Variants in TRDN observed in about 807,000 individuals in gnomAD.
The protein encoded by TRDN is triadin in skeletal muscle.
Under a neutral mutation model 149.7 loss-of-function variants are expected in TRDN, and 161 were observed. The observed-to-expected ratio is 1.08, with a 90% CI of 0.95 to 1.23. The LOEUF (loss-of-function observed/expected upper bound fraction) is 1.23. Ranked by LOEUF, TRDN falls within the 50% of genes most tolerant of loss-of-function variation. TRDN has a pLI of 0.00. For synonymous variants in TRDN, 294 were observed against 250.5 expected (o/e 1.17, Z -1.64); for missense variants, 896 against 823.5 (o/e 1.09, Z -1.08).
intron 10 of TRDN, among the ~76,000 whole-genome samples, chr6:123,456,017 A>C (rs960696873): frequency 3.3e-5 from 5 of 152,202 alleles, no homozygotes; most frequent in African/African-American, 1.2e-4. Context: ...GCAACTCAAA[A>C]CCAAAACATA....
At chr6:123,441,917 G>C (rs943469479) in intron 10 of TRDN, 3 of 152,120 alleles carry the variant, frequency 2.0e-5, no homozygotes, top group Admixed American at 2.0e-4. Context: ...ATGTATTCCT[G>C]GTTCCAGTTA....
chr6:123,548,365 G>T (rs981091785), intron 3 of TRDN, 89 bp downstream of exon 3: 4 of 1,099,606 alleles, frequency 3.6e-6, no homozygotes, highest in Non-Finnish European at 4.7e-6. Context: ...TGACCCAAGT[G>T]CTCATTTGAA....
intron 14 of TRDN, among the ~76,000 whole-genome samples, chr6:123,386,185 A>C: frequency 6.6e-6 from 1 of 152,240 alleles, no homozygotes; most frequent in East Asian, 1.9e-4. Flanking sequence ...AACACAAGTA[A>C]CATGAAGTAC....
At chr6:123,583,516 T>C (rs28802642) in intron 1 of TRDN, among the ~76,000 whole-genome samples, 14,259 of 144,810 alleles carry the variant, frequency 0.098, 796 homozygotes, top group African/African-American at 0.14. Context: ...ACCTTTAGTC[T>C]GTTCTACTTT....
intron 2 of TRDN, among the ~76,000 whole-genome samples, chr6:123,555,901 T>A (rs1057377427): frequency 1.2e-4 from 18 of 152,312 alleles, no homozygotes; most frequent in African/African-American, 3.1e-4. Context: ...TTGCATTTGA[T>A]AATTTTGTTT....
At chr6:123,374,753 G>A (rs1781444133) in intron 19 of TRDN, among the ~76,000 whole-genome samples, 1 of 151,126 alleles carries the variant, frequency 6.6e-6, no homozygotes, top group South Asian at 2.1e-4. Flanking sequence ...CCAGCCTGGT[G>A]ACAGAGAAAG....
At chr6:123,470,891 T>C (rs1456221917) in intron 9 of TRDN, 1 of 152,184 alleles carries the variant, frequency 6.6e-6, no homozygotes, top group Non-Finnish European at 1.5e-5. Flanking sequence ...AAATACTTAC[T>C]GAGTGCCTAC....
intron 1 of TRDN, among the ~76,000 whole-genome samples, chr6:123,586,046 A>G (rs1243604729): frequency 1.3e-5 from 2 of 152,098 alleles, no homozygotes; most frequent in Non-Finnish European, 2.9e-5. Context: ...TAGGGCTGTA[A>G]AGTGTCTCAG....
chr6:123,523,747 GA>G (rs1779801792), intron 5 of TRDN, among the ~76,000 whole-genome samples: 1 of 152,122 alleles, frequency 6.6e-6, no homozygotes, highest in South Asian at 2.1e-4. Flanking sequence ...CTTTGGTGTT[GA>G]AAGAGAACAA....
chr6:123,540,738 T>A (rs1780791935), intron 4 of TRDN, among the ~76,000 whole-genome samples: 1 of 152,102 alleles, frequency 6.6e-6, no homozygotes, highest in Non-Finnish European at 1.5e-5. Context: ...CAGGATGGCC[T>A]CCATTTCCTG....
At chr6:123,421,378 A>C (rs377350056) in intron 12 of TRDN, among the ~76,000 whole-genome samples, 2 of 152,282 alleles carry the variant, frequency 1.3e-5, no homozygotes, top group African/African-American at 4.8e-5. Context: ...TGATTTTGTC[A>C]ATCTGTTTCC....
chr6:123,373,934 G>A (rs922591594), intron 19 of TRDN, among the ~76,000 whole-genome samples: 2 of 152,160 alleles, frequency 1.3e-5, no homozygotes, highest in East Asian at 1.9e-4. Context: ...GTAGCCTGCT[G>A]TATGTAGCAG....
chr6:123,586,752 T>C (rs1363487027), intron 1 of TRDN, among the ~76,000 whole-genome samples: 1 of 151,724 alleles, frequency 6.6e-6, no homozygotes, highest in African/African-American at 2.4e-5. Flanking sequence ...GGGTGGAAGG[T>C]TGCCCATAGT....
At chr6:123,462,598 A>G (rs969894730) in intron 10 of TRDN, 1 of 152,194 alleles carries the variant, frequency 6.6e-6, no homozygotes, top group Non-Finnish European at 1.5e-5. Context: ...AAATTGAAAT[A>G]TGTACATTCT....
chr6:123,269,108 C>T (rs1423827927), intron 31 of TRDN, among the ~76,000 whole-genome samples: 1 of 151,958 alleles, frequency 6.6e-6, no homozygotes, highest in Non-Finnish European at 1.5e-5. Flanking sequence ...CAAATGTACA[C>T]CATTCAACGA....
chr6:123,491,399 A>G (rs974774117), intron 9 of TRDN, among the ~76,000 whole-genome samples: 7 of 152,292 alleles, frequency 4.6e-5, no homozygotes, highest in African/African-American at 1.7e-4. Context: ...CTTTCTGAAG[A>G]TATTTCCCAT....
chr6:123,578,774 A>T (rs1420318368), intron 1 of TRDN, among the ~76,000 whole-genome samples: 1 of 151,910 alleles, frequency 6.6e-6, no homozygotes, highest in African/African-American at 2.4e-5. Flanking sequence ...TATTATTTTT[A>T]TCCGTGAGCA....
At position 123,437,824 on chromosome 6, in the gene TRDN, G is replaced by GT. The variant is rs1219473841; in HGVS notation, c.1051+238dup. Among the ~76,000 whole-genome samples the GT allele has an allele frequency of 6.6e-5, 10 of 152,144 alleles. No individual in the cohort carries two copies. In the South Asian group the frequency reaches 2.1e-3, roughly 32 times the overall value. On this transcript the variant is annotated intron_variant, in intron 12 of 40. Transcript: ENST00000334268. ...TACCAGCCATTACAAACATTCCTGCGTTTTTTTGGGGGGGAATTGAGTTCA... is the reference window on the plus strand; with the variant it reads ...TACCAGCCATTACAAACATTCCTGCGTTTTTTTTGGGGGGGAATTGAGTTCA...
At chr6:123,464,638 C>G in intron 10 of TRDN, 2 of 1,193,358 alleles carry the variant, frequency 1.7e-6, no homozygotes, top group Non-Finnish European at 2.1e-6. Context: ...TCTATTTGTC[C>G]CTATATTTTT....
Sources: gnomAD v4.1 joint callset for allele counts (sites outside exome capture counted in the v4.1 genomes callset) on GRCh38, gnomAD v4.1.1 for gene constraint, MANE v1.5 for transcripts, NCBI Gene and HGNC (gene_info 2026-07-23, HGNC 2026-07-21) for gene names.